AMD1: variants seen among roughly 807,000 people sequenced by gnomAD.
AMD1 encodes S-adenosylmethionine decarboxylase proenzyme.
In AMD1, 11 loss-of-function variants were observed where a neutral mutation model predicts 40.2. The observed-to-expected ratio is 0.27, with a 90% CI of 0.17 to 0.45. The LOEUF is 0.45. AMD1 is among the 20% of genes least tolerant of loss of function. The pLI, the probability that AMD1 is intolerant of heterozygous loss-of-function variation, is 1.00. For synonymous variants in AMD1, 121 were observed against 130.8 expected, an observed-to-expected ratio of 0.93 and a Z score of 0.51; for missense variants, 257 against 410.2, an observed-to-expected ratio of 0.63 and a Z score of 3.23.
the AMD1 span, among the ~76,000 whole-genome samples, chr6:110,850,823 G>C: frequency 4.6e-5 from 7 of 152,112 alleles, no homozygotes; most frequent in African/African-American, 1.7e-4. Context: ...AGGACTGAGC[G>C]TGGTGATTAC....
At chr6:110,832,978 G>A in the AMD1 span, among the ~76,000 whole-genome samples, 2 of 152,152 alleles carry the variant, frequency 1.3e-5, no homozygotes, top group African/African-American at 2.4e-5. Flanking sequence ...CCACCACCAC[G>A]CCTGGCCAAT....
chr6:110,894,973 T>A lies in AMD1; in HGVS notation c.*1357T>A, dbSNP rs943579263. On this transcript the variant is annotated 3_prime_UTR_variant, in exon 9 of 9. Coordinates refer to ENST00000368885, the MANE Select transcript of AMD1 (RefSeq NM_001634.6). ...AGTAGAATATGAATAAATAGAATAA[T>A]AAAATTCCAAAATACTCAATGGGAA... 1.3e-5 allele frequency: 2 copies of A among 152,168 alleles called. No homozygotes were observed. Among genetic ancestry groups the A allele is most frequent in the Admixed American group, 1.3e-4 (2 of 15,272 alleles). The allele number at this position is 152,168 out of a possible 1,614,324, so 9.4% of individuals were successfully genotyped here.
the AMD1 span, among the ~76,000 whole-genome samples, chr6:110,863,000 A>C: frequency 6.6e-6 from 1 of 152,042 alleles, no homozygotes. Flanking sequence ...GCTGGAGTGC[A>C]GTGGCGTGAT....
intron 1 of AMD1, among the ~76,000 whole-genome samples, chr6:110,875,947 G>T (rs1355869663): frequency 6.6e-6 from 1 of 152,172 alleles, no homozygotes; most frequent in Non-Finnish European, 1.5e-5. Context: ...CGCTGAGGCC[G>T]CTGGGGGCTG....
At chr6:110,882,228 G>A (rs917033817) in intron 1 of AMD1, among the ~76,000 whole-genome samples, 1 of 152,194 alleles carries the variant, frequency 6.6e-6, no homozygotes, top group Admixed American at 6.5e-5. Flanking sequence ...TTTTAAAAAT[G>A]GCTCTGTCGA....
chr6:110,874,416 C>A (rs1450328560), upstream of AMD1, among the ~76,000 whole-genome samples: 6 of 152,192 alleles, frequency 3.9e-5, no homozygotes, highest in African/African-American at 1.2e-4. Context: ...CCGCTGAACC[C>A]CGCCAACACC....
At chr6:110,821,123 T>C in the AMD1 span, among the ~76,000 whole-genome samples, 3 of 152,182 alleles carry the variant, frequency 2.0e-5, no homozygotes, top group Non-Finnish European at 4.4e-5. Flanking sequence ...TCTATGTAGA[T>C]AAGAGAACTT....
At chr6:110,836,000 AAG>A in the AMD1 span, among the ~76,000 whole-genome samples, 1 of 143,312 alleles carries the variant, frequency 7.0e-6, no homozygotes, top group Non-Finnish European at 1.5e-5. Flanking sequence ...GCAACAGACC[AAG>A]ACCTTGACTC....
the AMD1 span, among the ~76,000 whole-genome samples, chr6:110,844,350 G>A: frequency 6.6e-6 from 1 of 151,774 alleles, no homozygotes; most frequent in African/African-American, 2.4e-5. Flanking sequence ...TAGAGACGGG[G>A]TTTTGTCATG....
At chr6:110,815,245 G>GCGCA in the AMD1 span, 9 of 1,184,846 alleles carry the variant, frequency 7.6e-6, no homozygotes, top group South Asian at 1.0e-4. Flanking sequence ...CGCCTCTCGC[G>GCGCA]CGCGCGCGCG....
the AMD1 span, among the ~76,000 whole-genome samples, chr6:110,860,084 C>T: frequency 6.6e-6 from 1 of 152,146 alleles, no homozygotes; most frequent in Non-Finnish European, 1.5e-5. Flanking sequence ...ACCTTGGCCT[C>T]CCCAAGTGCT....
chr6:110,868,945 A>G, the AMD1 span, among the ~76,000 whole-genome samples: 2 of 151,640 alleles, frequency 1.3e-5, no homozygotes, highest in Non-Finnish European at 2.9e-5. Context: ...CTGCAATCCC[A>G]GCTACTCGGG....
the AMD1 span, among the ~76,000 whole-genome samples, chr6:110,854,736 C>T: frequency 6.6e-6 from 1 of 152,164 alleles, no homozygotes; most frequent in East Asian, 1.9e-4. Context: ...GAGTGAGCCA[C>T]CGCACCCGGC....
upstream of AMD1, among the ~76,000 whole-genome samples, chr6:110,873,716 T>G (rs1784962913): frequency 6.6e-6 from 1 of 151,810 alleles, no homozygotes; most frequent in South Asian, 2.1e-4. Flanking sequence ...TGACCATGGC[T>G]TGACGACTAT....
chr6:110,829,557 T>A, the AMD1 span, among the ~76,000 whole-genome samples: 1 of 151,550 alleles, frequency 6.6e-6, no homozygotes, highest in Admixed American at 6.6e-5. Flanking sequence ...TAGTCCCAGC[T>A]ACTCGGGAGG....
the AMD1 span, among the ~76,000 whole-genome samples, chr6:110,832,395 C>T: frequency 6.6e-6 from 1 of 151,728 alleles, no homozygotes; most frequent in African/African-American, 2.4e-5. Flanking sequence ...AAGTAATCCT[C>T]CCACCTTAGC....
At chr6:110,824,604 T>G in the AMD1 span, among the ~76,000 whole-genome samples, 1 of 152,240 alleles carries the variant, frequency 6.6e-6, no homozygotes, top group South Asian at 2.1e-4. Context: ...AAAAAAGTTA[T>G]TTAATGAAAC....
At chr6:110,884,180 A>C (rs562137522) in intron 1 of AMD1, among the ~76,000 whole-genome samples, 1 of 152,336 alleles carries the variant, frequency 6.6e-6, no homozygotes, top group South Asian at 2.1e-4. Flanking sequence ...CAAACCTGAC[A>C]CTGGAACCAT....
Position 110,893,640 on chromosome 6 carries a change from CA to C in AMD1, c.*29del. The C allele has an allele frequency of 1.2e-6, 2 of 1,604,340 alleles. No individual in the cohort carries two copies. Among genetic ancestry groups the C allele is most frequent in the Non-Finnish European group, 1.7e-6 (2 of 1,178,494 alleles). On this transcript the variant is annotated 3_prime_UTR_variant, in exon 9 of 9. Transcript: ENST00000368885. Reference sequence around the variant, plus strand: ...GATTAAGAAAAATGAAGAAAAAACGCAAAAAGAGAACACATGTAGAAGGTGG... The same window carrying C: ...GATTAAGAAAAATGAAGAAAAAACGCAAAAGAGAACACATGTAGAAGGTGG...
Sources: allele counts gnomAD v4.1 joint callset (sites outside exome capture counted in the v4.1 genomes callset), GRCh38; gene constraint gnomAD v4.1.1; transcripts MANE v1.5; gene names NCBI Gene and HGNC (gene_info 2026-07-23, HGNC 2026-07-21).